Variants in BIRC6 observed in about 807,000 individuals in gnomAD.
The protein encoded by BIRC6 is dual E2 ubiquitin-conjugating enzyme/E3 ubiquitin-protein ligase BIRC6.
In BIRC6, 98 loss-of-function variants were observed where a neutral mutation model predicts 503.3. The observed-to-expected ratio is 0.19, with a 90% CI of 0.17 to 0.23. The LOEUF (loss-of-function observed/expected upper bound fraction) is 0.23, where lower values mean the gene tolerates loss of function less well. Ranked by LOEUF, BIRC6 falls within the 10% of genes least tolerant of loss-of-function variation. The probability of loss-of-function intolerance (pLI) is 1.00; values close to 1 mark genes in which losing one functional copy is unlikely to be tolerated. For synonymous variants in BIRC6, 2,240 were observed against 2,078.7 expected (o/e 1.08, Z -2.11); for missense variants, 5,360 against 5,806.0 (o/e 0.92, Z 2.50).
chr2:32,382,847 C>A (rs1256209313), intron 3 of BIRC6, among the ~76,000 whole-genome samples: 4 of 151,898 alleles, frequency 2.6e-5, no homozygotes, highest in Non-Finnish European at 5.9e-5. Context: ...CCTCAGCCTC[C>A]TGAGTAGCTG....
At chr2:32,547,828 T>A (rs758469853) in intron 63 of BIRC6, 22 bp from the exon 64 acceptor site, 1 of 1,524,574 alleles carries the variant, frequency 6.6e-7, no homozygotes, top group South Asian at 1.3e-5. Flanking sequence ...TGTAATGGAT[T>A]TTCATTTTTT....
chr2:32,545,748 T>G lies in BIRC6; in HGVS notation c.12698T>G (p.Leu4233Arg), dbSNP rs1353986009. 1 of 1,613,966 alleles carries G rather than the reference T, an allele frequency of 6.2e-7. No individual in the cohort carries two copies. Residue 4233 changes from leucine to arginine, a missense_variant, in exon 63 of 74, where the codon CTT (leucine) becomes CGT (arginine). Transcript: ENST00000421745. ...CCTTTGACAACTGATGATGGTGTAC[T>G]TCTAAGGCGGATGGCATTGGAAATT... ...TTPLTTDDGV[L>R]LRRMALEIGA...
chr2:32,461,343 AGTGTGTGTGTGT>A (rs373274536), intron 23 of BIRC6, among the ~76,000 whole-genome samples: 209 of 132,126 alleles, frequency 1.6e-3, no homozygotes, highest in African/African-American at 2.3e-3. Context: ...ATGCCTGGCT[AGTGTGTGTGTGT>A]GTGTGTGTGT....
At chr2:32,459,604 T>A (rs2047614726) in intron 23 of BIRC6, among the ~76,000 whole-genome samples, 1 of 152,188 alleles carries the variant, frequency 6.6e-6, no homozygotes. Flanking sequence ...GGCCTTTATG[T>A]AAATCAGTTT....
intron 49 of BIRC6, 67 bp from the exon 50 acceptor site, chr2:32,504,938 T>C (rs1572676794): frequency 3.7e-6 from 5 of 1,354,514 alleles, no homozygotes; most frequent in East Asian, 5.0e-5. Flanking sequence ...TGTATTTGTA[T>C]AGATTTTAAA....
intron 65 of BIRC6, among the ~76,000 whole-genome samples, chr2:32,566,913 G>A (rs560351211): frequency 1.2e-4 from 18 of 152,192 alleles, no homozygotes; most frequent in Middle Eastern, 6.8e-3. Context: ...TGGATTTACC[G>A]TATTTTCCAA....
At chr2:32,363,588 T>G (rs187050552) in intron 1 of BIRC6, among the ~76,000 whole-genome samples, 1 of 152,288 alleles carries the variant, frequency 6.6e-6, no homozygotes, top group Admixed American at 6.5e-5. Flanking sequence ...TGTAGTACAT[T>G]TTATACCGTT....
intron 69 of BIRC6, 111 bp downstream of exon 69, chr2:32,598,079 A>G (rs1483614543): frequency 2.7e-6 from 3 of 1,094,304 alleles, no homozygotes; most frequent in Non-Finnish European, 3.8e-6. Context: ...ACAAAACACT[A>G]GAAATTTTGG....
chr2:32,504,860 T>C, intron 49 of BIRC6, 145 bp from the exon 50 acceptor site: 1 of 735,180 alleles, frequency 1.4e-6, no homozygotes, highest in South Asian at 1.9e-5. Context: ...TTTACGGTCA[T>C]GCTTAGGATA....
intron 66 of BIRC6, among the ~76,000 whole-genome samples, chr2:32,582,063 T>C (rs1401626779): frequency 6.6e-6 from 1 of 152,120 alleles, no homozygotes; most frequent in Non-Finnish European, 1.5e-5. Context: ...TTCACCGTGT[T>C]GGCCAAGCTG....
In BIRC6 at chr2:32,357,434, C is replaced by A. The variant is rs1269484622; in HGVS notation, c.273C>A (p.Ile91=). ...TGGCCGTCACTAGCCGCGGGACCAT[C>A]AAAGTCATCGACGGCACCTCGGGGG... ...AILAVTSRGT[I]KVIDGTSGAT... The change falls in exon 1 of 74, where the codon ATC becomes ATA. Residue 91 remains isoleucine, a synonymous_variant. Transcript: ENST00000421745. This position sits in a 1 kb window ranked among gnomAD's most constrained non-coding sequence, Gnocchi z 4.9. 1.3e-6 allele frequency: 2 copies of A among 1,550,100 alleles called. No individual in the cohort carries two copies.
intron 22 of BIRC6, 111 bp from the exon 23 acceptor site, chr2:32,453,697 G>A: frequency 1.9e-6 from 2 of 1,028,038 alleles, no homozygotes; most frequent in East Asian, 2.4e-5. Flanking sequence ...TGTAAGAGTT[G>A]TGTATTTATA....
intron 65 of BIRC6, among the ~76,000 whole-genome samples, chr2:32,558,340 G>A (rs140016303): frequency 1.6e-3 from 247 of 152,226 alleles, no homozygotes; most frequent in Middle Eastern, 0.014. Context: ...CACATACTTA[G>A]TGTATACAAT....
At chr2:32,554,973 A>T (rs2058675954) in intron 65 of BIRC6, among the ~76,000 whole-genome samples, 1 of 152,162 alleles carries the variant, frequency 6.6e-6, no homozygotes, top group South Asian at 2.1e-4. Context: ...CAAATTAAAA[A>T]GGACATAGAA....
intron 1 of BIRC6, among the ~76,000 whole-genome samples, chr2:32,377,132 A>G (rs1462853671): frequency 6.6e-6 from 1 of 152,194 alleles, no homozygotes; most frequent in Non-Finnish European, 1.5e-5. Context: ...AATGTTACAA[A>G]GAACTTCCCT....
intron 42 of BIRC6, among the ~76,000 whole-genome samples, chr2:32,489,295 C>T (rs559462302): frequency 3.3e-5 from 5 of 152,046 alleles, no homozygotes; most frequent in Non-Finnish European, 7.4e-5. Flanking sequence ...CTGTAGCTTG[C>T]TTGGGTCTTA....
At chr2:32,550,629 C>G (rs76395724) in intron 65 of BIRC6, among the ~76,000 whole-genome samples, 5,236 of 152,042 alleles carry the variant, frequency 0.034, 152 homozygotes, top group African/African-American at 0.071. Context: ...TATTATTAAA[C>G]TATTATTTTC....
At chr2:32,404,319 A>AT (rs1435967762) in intron 8 of BIRC6, among the ~76,000 whole-genome samples, 1 of 150,826 alleles carries the variant, frequency 6.6e-6, no homozygotes, top group Non-Finnish European at 1.5e-5. Flanking sequence ...TATTCATATA[A>AT]TTTTTTTTCT....
At position 32,357,126 on chromosome 2, in the gene BIRC6, T is replaced by C; in HGVS notation, c.-36T>C. The C allele has an allele frequency of 6.9e-7, 1 of 1,446,180 alleles. No individual in the cohort carries two copies. The allele number at this position is 1,446,180 out of a possible 1,614,324, so 89.6% of individuals were successfully genotyped here. A position where few individuals can be genotyped will look rare whatever the true frequency, so the allele number is the denominator to read the frequency against. ...GTGCGTGCGGGCGCCTGACTTCACT[T>C]CCGGCTAACGCGCTCGGCTTGCCCC... On this transcript the variant is annotated 5_prime_UTR_variant, in exon 1 of 74. Coordinates refer to ENST00000421745, the MANE Select transcript of BIRC6 (RefSeq NM_016252.4). This position sits in a 1 kb window ranked among gnomAD's most constrained non-coding sequence, Gnocchi z 4.9.
Sources: gnomAD v4.1 joint callset for allele counts (sites outside exome capture counted in the v4.1 genomes callset) on GRCh38, gnomAD v4.1.1 for gene constraint, Gnocchi (gnomAD v3.1) non-coding constraint, MANE v1.5 for transcripts, NCBI Gene and HGNC (gene_info 2026-07-23, HGNC 2026-07-21) for gene names.